Variants in FSD2 observed in about 807,000 individuals in gnomAD.
FSD2 encodes fibronectin type III and SPRY domain-containing protein 2.
A neutral mutation model predicts 80.4 loss-of-function variants in FSD2; 71 were observed. The ratio of observed to expected loss-of-function variants is 0.88; its 90% confidence interval spans 0.73 to 1.08. The LOEUF (loss-of-function observed/expected upper bound fraction) is 1.08. Ranked by LOEUF, FSD2 falls within the 50% of genes least tolerant of loss-of-function variation. The pLI is 0.00. For synonymous variants in FSD2, 361 were observed against 329.5 expected (o/e 1.10, Z -1.03); for missense variants, 923 against 913.8 (o/e 1.01, Z -0.13).
At chr15:82,759,765 A>C (rs2049247279) in intron 12 of FSD2, among the ~76,000 whole-genome samples, 165 bp from the exon 13 acceptor site, 1 of 151,204 alleles carries the variant, frequency 6.6e-6, no homozygotes, top group Non-Finnish European at 1.5e-5. Flanking sequence ...TCTCTAAACT[A>C]TCTCTTTTCT....
At chr15:82,775,116 C>T (rs1046487838) in intron 6 of FSD2, among the ~76,000 whole-genome samples, 8 of 151,274 alleles carry the variant, frequency 5.3e-5, no homozygotes, top group African/African-American at 1.9e-4. Flanking sequence ...TCATATAATC[C>T]GACTGGCCAT....
chr15:82,768,561 A>G (rs911950971), intron 9 of FSD2, among the ~76,000 whole-genome samples: 2 of 152,208 alleles, frequency 1.3e-5, no homozygotes, highest in Non-Finnish European at 2.9e-5. Context: ...TGCCTTGCAC[A>G]GGACCTGACA....
chr15:82,786,194 A>G (rs1315850802), intron 3 of FSD2, among the ~76,000 whole-genome samples: 1 of 152,182 alleles, frequency 6.6e-6, no homozygotes, highest in Non-Finnish European at 1.5e-5. Context: ...TACCTTATTT[A>G]CTCATGCAAC....
chr15:82,782,082 A>C (rs1328626438), intron 4 of FSD2, among the ~76,000 whole-genome samples: 1 of 117,988 alleles, frequency 8.5e-6, no homozygotes, highest in Admixed American at 9.3e-5. Context: ...AATAATAATA[A>C]TAATAATAAT....
rs2049674583 is a variant in FSD2, at chr15:82,774,814, C to T, written c.1112-2586G>A. 2.6e-5 allele frequency among the ~76,000 whole-genome samples: 4 copies of T among 151,810 alleles called. No individual in the cohort carries two copies. The South Asian group carries it at 6.2e-4, about 24-fold the overall frequency. On this transcript the variant is annotated intron_variant, in intron 6 of 12. Transcript: ENST00000334574. The stretch of plus-strand genomic sequence containing the variant: ...TCGGCTCACCACAGTCTCCACCTCC[C>T]GGATTCAAGCCATTCTCCTGCCTCA...
Position 82,783,043 on chromosome 15 carries a change from T to G in FSD2, c.736-18A>C, listed in dbSNP as rs777669698. On this transcript the variant is annotated intron_variant, in intron 3 of 12. Coordinates refer to ENST00000334574, the MANE Select transcript of FSD2 (RefSeq NM_001007122.4). ...AAATTCTCCTGCAAGACAGTTGATC[T>G]CAGTCATCATTTCAGCGCATGTAGT... is the stretch of plus-strand genomic sequence containing the variant. The G allele has an allele frequency of 1.4e-5, 22 of 1,547,350 alleles. No homozygotes were observed. The highest frequency in any genetic ancestry group is 2.0e-5 in the Non-Finnish European group (22 of 1,123,862).
At chr15:82,779,138 A>G (rs950351390) in intron 5 of FSD2, among the ~76,000 whole-genome samples, 1 of 152,114 alleles carries the variant, frequency 6.6e-6, no homozygotes, top group Non-Finnish European at 1.5e-5. Context: ...GAGGGTGGGT[A>G]GAGGGCGATC....
Position 82,765,825 on chromosome 15 carries a change from G to A in FSD2, c.1687+73C>T, listed in dbSNP as rs548097734. ...GCATATTCATCAATTTCCCAGTGAA[G>A]TCATAGCAGCACTGGGTCTGCCACA... On this transcript the variant is annotated intron_variant, in intron 10 of 12. Transcript: ENST00000334574. 8.2e-5 allele frequency: 123 copies of A among 1,504,488 alleles called. 1 individual carries two copies. Among genetic ancestry groups the A allele is most frequent in the South Asian group, 4.1e-4 (30 of 73,712 alleles). 93.2% of individuals were successfully genotyped at this position (1,504,488 alleles called of 1,614,324 possible). A position where few individuals can be genotyped will look rare whatever the true frequency, so the allele number is the denominator to read the frequency against.
chr15:82,778,803 A>G lies in FSD2; in HGVS notation c.1074T>C (p.Asp358=), dbSNP rs1263525105. ...EFEDQTLDFS[D]VEQLMGSINT... Reference sequence around the variant, plus strand: ...TAATGGAGCCCATCAGCTGCTCCACATCAGAGAAATCCAAGGTCTGGTCTT... The same window carrying G: ...TAATGGAGCCCATCAGCTGCTCCACGTCAGAGAAATCCAAGGTCTGGTCTT... Residue 358 remains aspartate (D), a synonymous_variant, in exon 6 of 13, where the codon GAT becomes GAC. Transcript: ENST00000334574. 1.9e-6 allele frequency: 3 copies of G among 1,613,732 alleles called. No individual in the cohort carries two copies. The Admixed American group carries it at 5.0e-5, about 27-fold the overall frequency.
chr15:82,763,992 G>A (rs2151487840), intron 11 of FSD2, among the ~76,000 whole-genome samples: 1 of 152,238 alleles, frequency 6.6e-6, no homozygotes, highest in South Asian at 2.1e-4. Flanking sequence ...TTGAACTTTG[G>A]AACAGACTCA....
chr15:82,763,710 C>T (rs1452702542), intron 11 of FSD2, among the ~76,000 whole-genome samples: 1 of 152,126 alleles, frequency 6.6e-6, no homozygotes, highest in Non-Finnish European at 1.5e-5. Context: ...CCCTCTCCCT[C>T]CCCAGCTCAC....
chr15:82,791,718 T>C (rs2050156214), intron 1 of FSD2, among the ~76,000 whole-genome samples: 1 of 152,136 alleles, frequency 6.6e-6, no homozygotes, highest in South Asian at 2.1e-4. Flanking sequence ...CACTGTACCC[T>C]TTAGCTATCA....
chr15:82,765,931 C>G lies in FSD2; in HGVS notation c.1654G>C (p.Val552Leu). 2 of 1,610,292 alleles carry G rather than the reference C, an allele frequency of 1.2e-6. No homozygotes were observed. The highest frequency in any genetic ancestry group is 1.7e-6 in the Non-Finnish European group (2 of 1,178,896). ...TGGACTGTAGCTGGCTCGCTCCTCA[C>G]GCTGGGGCCCCCCATATTGAGGGCT... The part of the protein sequence containing the change: ...VRALNMGGPS[V>L]RSEPATVHTI... Residue 552 changes from valine (V) to leucine (L), a missense_variant, in exon 10 of 13, where the codon GTG becomes CTG. Val to Leu is a conservative substitution (Grantham distance 32). Transcript: ENST00000334574.
intron 1 of FSD2, among the ~76,000 whole-genome samples, chr15:82,791,293 C>G (rs774538367): frequency 2.0e-5 from 3 of 152,232 alleles, no homozygotes; most frequent in African/African-American, 7.2e-5. Flanking sequence ...CCACCGCACC[C>G]GGCAATTCAG....
chr15:82,763,425 G>A (rs1012834261), intron 11 of FSD2, among the ~76,000 whole-genome samples: 4 of 152,116 alleles, frequency 2.6e-5, no homozygotes, highest in African/African-American at 4.8e-5. Context: ...ATTCTCATCC[G>A]TCAACTGGGA....
In FSD2 at chr15:82,769,503, C is replaced by T. The variant is rs550785140; in HGVS notation, c.1402+247G>A. Among the ~76,000 whole-genome samples, 31 of 151,520 alleles carry T rather than the reference C, an allele frequency of 2.0e-4. No homozygotes were observed. In the East Asian group the frequency reaches 2.7e-3, roughly 13 times the overall value. On this transcript the variant is annotated intron_variant, in intron 8 of 12. Transcript: ENST00000334574. ...GGCAGGAGAATCACTTGAACCTAGG[C>T]GGCAGAGGTTGCAGTGAGCAGAGAT...
chr15:82,780,388 G>A, intron 4 of FSD2, 121 bp from the exon 5 acceptor site: 2 of 651,918 alleles, frequency 3.1e-6, no homozygotes, highest in South Asian at 2.1e-5. Context: ...AGGCTGGAGT[G>A]CAATGGCACA....
rs1247892726 is a variant in FSD2 at position 82,755,480 on chromosome 15, G to A, written c.*3868C>T. ...ATAGTTTAATTCCTCCAGGATTTGA[G>A]TAAGGTGAAAATAGAGCTAAAAACC... On this transcript the variant is annotated 3_prime_UTR_variant, in exon 13 of 13. Transcript: ENST00000334574. 1 of 151,876 alleles carries A rather than the reference G, an allele frequency of 6.6e-6. No individual in the cohort carries two copies. Among genetic ancestry groups the A allele is most frequent in the African/African-American group, 2.4e-5 (1 of 41,368 alleles). The allele number at this position is 151,876 out of a possible 1,614,324, so 9.4% of individuals were successfully genotyped here. A position where few individuals can be genotyped will look rare whatever the true frequency, so the allele number is the denominator to read the frequency against.
At chr15:82,777,424 C>A (rs2049740059) in intron 6 of FSD2, among the ~76,000 whole-genome samples, 2 of 152,250 alleles carry the variant, frequency 1.3e-5, no homozygotes, top group South Asian at 4.1e-4. Flanking sequence ...ATAGATATTT[C>A]CCCAAAGAAG....
Sources: allele counts gnomAD v4.1 joint callset (sites outside exome capture counted in the v4.1 genomes callset), GRCh38; gene constraint gnomAD v4.1.1; transcripts MANE v1.5; gene names NCBI Gene and HGNC (gene_info 2026-07-23, HGNC 2026-07-21).